Variants in ZBTB41 observed in about 807,000 individuals in gnomAD.
The protein encoded by ZBTB41 is zinc finger and BTB domain-containing protein 41.
Under a neutral mutation model 87.6 loss-of-function variants are expected in ZBTB41, and 42 were observed. The observed-to-expected ratio is 0.48, with a 90% CI of 0.37 to 0.62. The LOEUF (loss-of-function observed/expected upper bound fraction) is 0.62, where lower values mean the gene tolerates loss of function less well. ZBTB41 is among the 20% of genes least tolerant of loss of function. The pLI is 0.00. For missense variants in ZBTB41, 799 were observed against 1,078.9 expected (o/e 0.74, Z 3.63); for synonymous variants, 364 against 364.0 (o/e 1.00, Z 0.00).
intron 2 of ZBTB41, among the ~76,000 whole-genome samples, chr1:197,195,227 A>G (rs1443213320): frequency 6.6e-6 from 1 of 152,242 alleles, no homozygotes; most frequent in Admixed American, 6.5e-5. Context: ...ACATTTTATA[A>G]CATAAGAAAT....
At chr1:197,172,324 T>C (rs1199309561) in intron 9 of ZBTB41, 76 bp from the exon 10 acceptor site, 4 of 369,026 alleles carry the variant, frequency 1.1e-5, no homozygotes, top group Non-Finnish European at 1.8e-5. Context: ...TTAATAATTA[T>C]ATTAATAACT....
Position 197,176,616 on chromosome 1 carries a change from T to C in ZBTB41, c.1827A>G (p.Gly609=), listed in dbSNP as rs753035280. The change falls in exon 8 of 11, where the codon GGA becomes GGG. Residue 609 remains glycine (G), a synonymous_variant. Transcript: ENST00000367405. ...DDKRYECDEC[G]KTFIRHDHLT... ...GGTGATCATGACGGATAAATGTTTT[T>C]CCACATTCATCGCACTCATATCTTT... 23 of 1,612,214 alleles carry C rather than the reference T, an allele frequency of 1.4e-5. No homozygotes were observed. The highest frequency in any genetic ancestry group is 1.9e-5 in the Non-Finnish European group (22 of 1,179,168).
chr1:197,178,786 T>C (rs1266744420), intron 6 of ZBTB41, among the ~76,000 whole-genome samples: 1 of 152,160 alleles, frequency 6.6e-6, no homozygotes, highest in Non-Finnish European at 1.5e-5. Flanking sequence ...TCAAGAAGTA[T>C]AATTTTAAAA....
chr1:197,159,416 C>T lies in ZBTB41; in HGVS notation c.2673G>A (p.Leu891=). 1 of 1,613,866 alleles carries T rather than the reference C, an allele frequency of 6.2e-7. No individual in the cohort carries two copies. The highest frequency in any genetic ancestry group is 1.1e-5 in the South Asian group (1 of 91,078). ...PREQSYLGTL[L]GLDSTTGVQN... ...GAACACCAGTAGTGCTATCAAGGCC[C>T]AGTAATGTTCCAAGATAAGATTGTT... The change falls in exon 11 of 11, where the codon CTG becomes CTA. Residue 891 remains leucine, a synonymous_variant. Coordinates refer to ENST00000367405, the MANE Select transcript of ZBTB41 (RefSeq NM_194314.3).
Position 197,172,192 on chromosome 1 carries a change from G to T in ZBTB41, c.2042C>A (p.Ser681Ter), listed in dbSNP as rs756797758. Residue 681 changes from serine to a stop codon, truncating the protein, a stop_gained, in exon 10 of 11, where the codon TCA becomes TAA. Coordinates refer to ENST00000367405, the MANE Select transcript of ZBTB41 (RefSeq NM_194314.3). LOFTEE classifies it high-confidence loss of function. Reference protein sequence around the residue: ...DVCKKIFKGKSSLEMHFRTHS... With the variant: ...DVCKKIFKGK ...CGTTCGAAAATGCATTTCCAGACTT[G>T]ATTTGCCTTTAAAAATTTTCTTACA... 2 of 1,436,426 alleles carry T rather than the reference G, an allele frequency of 1.4e-6. No homozygotes were observed. Among genetic ancestry groups the T allele is most frequent in the South Asian group, 3.5e-5 (2 of 57,434 alleles). 89.0% of individuals were successfully genotyped at this position (1,436,426 alleles called of 1,614,324 possible).
intron 2 of ZBTB41, among the ~76,000 whole-genome samples, chr1:197,196,922 G>C (rs10922181): frequency 0.35 from 52,101 of 150,220 alleles, 11,290 homozygotes; most frequent in East Asian, 0.77. Context: ...GATTTCCTTA[G>C]TCTTCTATAC....
chr1:197,188,563 A>G (rs1264873438), intron 4 of ZBTB41, 124 bp from the exon 5 acceptor site: 39 of 960,910 alleles, frequency 4.1e-5, no homozygotes, highest in Non-Finnish European at 5.5e-5. Flanking sequence ...GAAAACTTAC[A>G]AAAAGTAAAA....
rs575067808 is a variant in ZBTB41 at position 197,174,266 on chromosome 1, C to A, written c.1985+744G>T. The stretch of plus-strand genomic sequence containing the variant: ...TTAAAAATGCCTATTGATTTGGCAA[C>A]AAGGAAGTCATACTGATAACTGAGC... On this transcript the variant is annotated intron_variant, in intron 9 of 10. Coordinates refer to ENST00000367405, the MANE Select transcript of ZBTB41 (RefSeq NM_194314.3). Among the ~76,000 whole-genome samples, 6 of 152,108 alleles carry A rather than the reference C, an allele frequency of 3.9e-5. No homozygotes were observed. The South Asian group carries it at 1.2e-3, about 32-fold the overall frequency.
chr1:197,166,513 C>T (rs61819114), intron 10 of ZBTB41, among the ~76,000 whole-genome samples: 45,754 of 151,916 alleles, frequency 0.3, 8,685 homozygotes, highest in Middle Eastern at 0.44. Flanking sequence ...AGCTCTTTAA[C>T]GGTCATACTA....
chr1:197,190,906 A>C (rs1380641324), intron 3 of ZBTB41, 75 bp from the exon 4 acceptor site: 1 of 951,072 alleles, frequency 1.1e-6, no homozygotes, highest in African/African-American at 1.7e-5. Flanking sequence ...GAATATGTTG[A>C]CAGTAATTAC....
At chr1:197,172,574 A>C (rs1659506875) in intron 9 of ZBTB41, among the ~76,000 whole-genome samples, 1 of 152,016 alleles carries the variant, frequency 6.6e-6, no homozygotes, top group Non-Finnish European at 1.5e-5. Context: ...AAAAAGAAAA[A>C]TTATAAGGTA....
intron 2 of ZBTB41, among the ~76,000 whole-genome samples, chr1:197,198,835 A>G (rs1433421599): frequency 6.6e-6 from 1 of 152,188 alleles, no homozygotes; most frequent in Non-Finnish European, 1.5e-5. Flanking sequence ...CTCTATCTAC[A>G]GTATTAAATT....
At chr1:197,183,015 C>G (rs1177249056) in intron 5 of ZBTB41, among the ~76,000 whole-genome samples, 2 of 152,010 alleles carry the variant, frequency 1.3e-5, no homozygotes, top group Non-Finnish European at 2.9e-5. Flanking sequence ...AAGAAGCTCT[C>G]TCTATATATA....
At chr1:197,177,234 G>A (rs1025375229) in intron 7 of ZBTB41, among the ~76,000 whole-genome samples, 1 of 152,072 alleles carries the variant, frequency 6.6e-6, no homozygotes, top group African/African-American at 2.4e-5. Flanking sequence ...TGCTGTTCTT[G>A]TAACAGTCAG....
intron 10 of ZBTB41, among the ~76,000 whole-genome samples, chr1:197,162,642 A>C (rs1659229042): frequency 6.6e-6 from 1 of 152,190 alleles, no homozygotes; most frequent in African/African-American, 2.4e-5. Context: ...GAAAGATAAA[A>C]GATTTTTAAA....
intron 2 of ZBTB41, among the ~76,000 whole-genome samples, chr1:197,196,105 G>A (rs1386663341): frequency 6.6e-6 from 1 of 152,102 alleles, no homozygotes; most frequent in African/African-American, 2.4e-5. Context: ...GACCTGAGAT[G>A]TTACAAAGAA....
Position 197,178,436 on chromosome 1 carries a change from G to A in ZBTB41, c.1753C>T (p.Arg585Cys), listed in dbSNP as rs1659664602. Residue 585 changes from arginine to cysteine, a missense_variant, in exon 7 of 11, where the codon CGT (arginine) becomes TGT (cysteine). By Grantham distance (180) the Arg-to-Cys change is radical. Around this residue, in one of 5 missense-constraint regions of ZBTB41, gnomAD observed 198 missense variants for 358.4 expected, o/e 0.55. Transcript: ENST00000367405. ...HLCSICGQSF[R>C]HGSSYRLHLR... Reference sequence around the variant, plus strand: ...ACTTACCTATACGAACTTCCATGACGAAAACTTTGCCCACAAATACTACAA... The same window carrying A: ...ACTTACCTATACGAACTTCCATGACAAAAACTTTGCCCACAAATACTACAA... 3 of 1,606,836 alleles carry A rather than the reference G, an allele frequency of 1.9e-6. No homozygotes were observed. Among genetic ancestry groups the A allele is most frequent in the Non-Finnish European group, 2.5e-6 (3 of 1,176,582 alleles).
chr1:197,194,155 A>G (rs188959909), intron 2 of ZBTB41, among the ~76,000 whole-genome samples: 233 of 151,930 alleles, frequency 1.5e-3, no homozygotes, highest in Non-Finnish European at 2.3e-3. Flanking sequence ...AGTAGCAGGG[A>G]TTGCAGGCAC....
At chr1:197,172,822 T>A (rs1178908394) in intron 9 of ZBTB41, among the ~76,000 whole-genome samples, 1 of 152,042 alleles carries the variant, frequency 6.6e-6, no homozygotes, top group East Asian at 1.9e-4. Flanking sequence ...AAAACCCGCA[T>A]TTATCAAAAA....
Sources: gnomAD v4.1 joint callset for allele counts (sites outside exome capture counted in the v4.1 genomes callset) on GRCh38, gnomAD v4.1.1 for gene constraint, gnomAD v4.1.1 regional missense constraint, MANE v1.5 for transcripts, NCBI Gene and HGNC (gene_info 2026-07-23, HGNC 2026-07-21) for gene names.